The following ARHGEF18 variants were observed in gnomAD, a reference collection of about 807,000 sequenced individuals.
ARHGEF18 encodes rho guanine nucleotide exchange factor 18.
A neutral mutation model predicts 155.7 loss-of-function variants in ARHGEF18; 93 were observed. That is an observed-to-expected ratio of 0.60 (90% confidence interval 0.50 to 0.71). The LOEUF (loss-of-function observed/expected upper bound fraction) is 0.71, where lower values mean the gene tolerates loss of function less well. Among genes scored for constraint, ARHGEF18 ranks in the 30% least tolerant of loss-of-function variants. The pLI, the probability that ARHGEF18 is intolerant of heterozygous loss-of-function variation, is 0.00. For synonymous variants in ARHGEF18, 742 were observed against 753.1 expected (o/e 0.99, Z 0.24); for missense variants, 1,593 against 1,816.1 (o/e 0.88, Z 2.23).
intron 1 of ARHGEF18, among the ~76,000 whole-genome samples, chr19:7,350,244 A>G (rs1600160075): frequency 1.3e-5 from 2 of 152,274 alleles, no homozygotes; most frequent in South Asian, 2.1e-4. Flanking sequence ...AGGTCTAGGA[A>G]GGTGGCCCCA....
intron 13 of ARHGEF18, among the ~76,000 whole-genome samples, chr19:7,443,836 G>A (rs1386985760): frequency 6.6e-6 from 1 of 152,058 alleles, no homozygotes; most frequent in African/African-American, 2.4e-5. Flanking sequence ...CCCGGGAGGC[G>A]GAGGTTGCAG....
intron 13 of ARHGEF18, 113 bp downstream of exon 13, chr19:7,442,165 CCTTCCTT>C (rs1458619801): frequency 2.5e-5 from 24 of 958,490 alleles, no homozygotes; most frequent in African/African-American, 1.1e-4. Flanking sequence ...TTCCTTCCTT[CCTTCCTT>C]ATCTTTTTCT....
chr19:7,373,814 G>A (rs976414923), intron 3 of ARHGEF18, among the ~76,000 whole-genome samples: 1 of 148,330 alleles, frequency 6.7e-6, no homozygotes, highest in African/African-American at 2.5e-5. Flanking sequence ...TCCCTCGCAT[G>A]TGCCGTTCAC....
At chr19:7,439,290 A>C (rs1301703755) in intron 10 of ARHGEF18, among the ~76,000 whole-genome samples, 3 of 118,156 alleles carry the variant, frequency 2.5e-5, no homozygotes, top group Admixed American at 8.3e-5. Flanking sequence ...ACCCCCCCCC[A>C]ACCTCTACAA....
intron 10 of ARHGEF18, chr19:7,383,485 G>A (rs1462912590): frequency 3.3e-5 from 13 of 398,410 alleles, no homozygotes; most frequent in African/African-American, 6.2e-5. Context: ...TGCTAGGGCT[G>A]TCATGACAAA....
In ARHGEF18 at chr19:7,467,123, A is replaced by G. The variant is rs562007378; in HGVS notation, c.3009+5A>G. ...CAGCTGCTCCTGAACCTTCAGGTAC[A>G]GGGGCGGGGTGGGGCCGGCCACGCG... On this transcript the variant is annotated splice_donor_5th_base_variant and intron_variant, in intron 25 of 28. Coordinates refer to ENST00000668164, the MANE Select transcript of ARHGEF18 (RefSeq NM_001367823.1). The G allele has an allele frequency of 5.0e-6, 8 of 1,596,876 alleles. No individual in the cohort carries two copies. Among genetic ancestry groups the G allele is most frequent in the Non-Finnish European group, 6.8e-6 (8 of 1,167,998 alleles).
intron 2 of ARHGEF18, among the ~76,000 whole-genome samples, chr19:7,367,575 G>A (rs1260630000): frequency 2.6e-5 from 4 of 151,028 alleles, no homozygotes; most frequent in African/African-American, 7.3e-5. Context: ...GGTAAAACCC[G>A]TCTCTACTAA....
intron 1 of ARHGEF18, among the ~76,000 whole-genome samples, chr19:7,361,957 A>C (rs1483054887): frequency 1.3e-5 from 2 of 150,750 alleles, no homozygotes; most frequent in South Asian, 2.1e-4. Context: ...ACGCCACTGC[A>C]CTCCAGCTTG....
chr19:7,436,849 G>C (rs1161321175), intron 10 of ARHGEF18, among the ~76,000 whole-genome samples: 1 of 152,144 alleles, frequency 6.6e-6, no homozygotes, highest in Non-Finnish European at 1.5e-5. Flanking sequence ...TTACATAGGT[G>C]TTGCTTTGTG....
Position 7,395,046 on chromosome 19 carries a change from G to A in ARHGEF18, c.967+11843G>A, listed in dbSNP as rs144381311. The A allele has an allele frequency of 0.023, 22,804 of 985,278 alleles. 278 individuals are homozygous for A. The highest frequency in any genetic ancestry group is 0.037 in the Middle Eastern group (71 of 1,912). 61.0% of individuals were successfully genotyped at this position (985,278 alleles called of 1,614,324 possible). On this transcript the variant is annotated intron_variant, in intron 10 of 28. Transcript: ENST00000668164. The surrounding 1 kb of genome is among the most constrained non-coding windows in gnomAD (Gnocchi z 5.0). Reference sequence around the variant, plus strand: ...CCCCGGGAGCGCCCCGCCCTCGAGGGCACGCCTCCTTCCGGGTCACGCCCT... The same window carrying A: ...CCCCGGGAGCGCCCCGCCCTCGAGGACACGCCTCCTTCCGGGTCACGCCCT...
At chr19:7,398,552 G>A (rs1482562737) in intron 10 of ARHGEF18, among the ~76,000 whole-genome samples, 3 of 151,752 alleles carry the variant, frequency 2.0e-5, no homozygotes, top group Non-Finnish European at 2.9e-5. Flanking sequence ...TTAGCTGGGC[G>A]TGGTGGCCTG....
chr19:7,452,422 T>G (rs1164617468), intron 16 of ARHGEF18, among the ~76,000 whole-genome samples: 1 of 152,152 alleles, frequency 6.6e-6, no homozygotes, highest in Non-Finnish European at 1.5e-5. Context: ...AAGAGCCAGA[T>G]CCCAGTCACA....
rs544978658 is a variant in ARHGEF18 at position 7,380,995 on chromosome 19, G to A, written c.722+1G>A. On this transcript the variant is annotated splice_donor_variant, in intron 8 of 28. Coordinates refer to ENST00000668164, the MANE Select transcript of ARHGEF18 (RefSeq NM_001367823.1). LOFTEE classifies it high-confidence loss of function. ...TGACCTGGTTTGAATTCCTGTCGGA[G>A]TAAGTACACAGATCTGCTTCTGGGG... The A allele has an allele frequency of 4.9e-6, 6 of 1,232,210 alleles. No individual in the cohort carries two copies. In the East Asian group the frequency reaches 1.9e-4, roughly 39 times the overall value. 76.3% of individuals were successfully genotyped at this position (1,232,210 alleles called of 1,614,324 possible). A position where few individuals can be genotyped will look rare whatever the true frequency, so the allele number is the denominator to read the frequency against.
intron 10 of ARHGEF18, among the ~76,000 whole-genome samples, chr19:7,411,131 G>T (rs73921403): frequency 0.15 from 22,611 of 152,014 alleles, 3,652 homozygotes; most frequent in African/African-American, 0.41. Context: ...CCTGGGCAGC[G>T]CAGGGCCTCT....
downstream of ARHGEF18, chr19:7,477,060 C>A: frequency 1.4e-6 from 1 of 721,402 alleles, no homozygotes. Context: ...GGGGACCTCG[C>A]ATCAGTCCCT....
In ARHGEF18 at chr19:7,470,159, C is replaced by G. The variant is rs2145924582; in HGVS notation, c.3947C>G (p.Ala1316Gly). 1 of 1,612,182 alleles carries G rather than the reference C, an allele frequency of 6.2e-7. No individual in the cohort carries two copies. The highest frequency in any genetic ancestry group is 8.5e-7 in the Non-Finnish European group (1 of 1,179,602). The change falls in exon 29 of 29, where the codon GCT (alanine) becomes GGT (glycine). Residue 1316 changes from alanine to glycine, a missense_variant. By Grantham distance (60) the Ala-to-Gly change is moderately conservative. Coordinates refer to ENST00000668164, the MANE Select transcript of ARHGEF18 (RefSeq NM_001367823.1). This position sits in a 1 kb window ranked among gnomAD's most constrained non-coding sequence, Gnocchi z 5.9. ...PGFPAPSPPPADSPSEGFSLK... is the reference protein window; with the variant it reads ...PGFPAPSPPPGDSPSEGFSLK... ...TTCCCCGCCCCGAGCCCACCGCCAG[C>G]TGACAGCCCCTCCGAGGGCTTCTCT...
intron 13 of ARHGEF18, 42 bp downstream of exon 13, chr19:7,442,094 CTCTCT>C: frequency 3.7e-6 from 6 of 1,607,824 alleles, no homozygotes; most frequent in Non-Finnish European, 5.1e-6. Flanking sequence ...CGGCCCTCCA[CTCTCT>C]TCTCTGCTCC....
intron 10 of ARHGEF18, among the ~76,000 whole-genome samples, chr19:7,384,670 G>A (rs74933712): frequency 0.029 from 4,357 of 151,176 alleles, 104 homozygotes; most frequent in South Asian, 0.079. Flanking sequence ...CTCAGCAGAG[G>A]CTGGCATGAG....
At chr19:7,373,274 G>C (rs1251202991) in intron 3 of ARHGEF18, among the ~76,000 whole-genome samples, 2 of 152,300 alleles carry the variant, frequency 1.3e-5, no homozygotes, top group African/African-American at 4.8e-5. Flanking sequence ...GACAATTCAA[G>C]CACATTCCAT....
Sources: allele counts gnomAD v4.1 joint callset (sites outside exome capture counted in the v4.1 genomes callset), GRCh38; gene constraint gnomAD v4.1.1; non-coding constraint Gnocchi (gnomAD v3.1); transcripts MANE v1.5; gene names NCBI Gene and HGNC (gene_info 2026-07-23, HGNC 2026-07-21).